The following ACBD6 variants were observed in gnomAD, a reference collection of about 807,000 sequenced individuals.
ACBD6 encodes acyl-CoA binding domain containing 6, also known as acyl-CoA-binding domain-containing protein 6.
A neutral mutation model predicts 37.2 loss-of-function variants in ACBD6; 28 were observed. The ratio of observed to expected loss-of-function variants is 0.75; its 90% CI spans 0.56 to 1.03. The LOEUF (loss-of-function observed/expected upper bound fraction) is 1.03. Ranked by LOEUF, ACBD6 falls within the 50% of genes least tolerant of loss-of-function variation. The pLI is 0.00. For synonymous variants in ACBD6, 113 were observed against 126.8 expected (o/e 0.89, Z 0.73); for missense variants, 340 against 337.4 (o/e 1.01, Z -0.06).
At chr1:180,500,723 G>A (rs1651936956) in intron 1 of ACBD6, among the ~76,000 whole-genome samples, 2 of 150,150 alleles carry the variant, frequency 1.3e-5, no homozygotes, top group Admixed American at 6.6e-5. Context: ...GTGTCAGCCA[G>A]GTGCAGTGGC....
chr1:180,390,073 T>C (rs1460902445), intron 6 of ACBD6, among the ~76,000 whole-genome samples: 1 of 152,102 alleles, frequency 6.6e-6, no homozygotes, highest in Non-Finnish European at 1.5e-5. Flanking sequence ...ATGAAGTTCT[T>C]GCCCATGCCT....
chr1:180,318,382 G>T (rs1220838818), intron 6 of ACBD6, among the ~76,000 whole-genome samples: 1 of 151,854 alleles, frequency 6.6e-6, no homozygotes, highest in Non-Finnish European at 1.5e-5. Flanking sequence ...TTGAACTGAG[G>T]GAGGGGAAGC....
intron 7 of ACBD6, among the ~76,000 whole-genome samples, chr1:180,308,156 A>C (rs550394894): frequency 3.3e-5 from 5 of 152,112 alleles, no homozygotes; most frequent in Admixed American, 6.6e-5. Context: ...TTTAATTTAC[A>C]TAAGTTCTAT....
intron 5 of ACBD6, among the ~76,000 whole-genome samples, chr1:180,401,399 T>G (rs1647352064): frequency 6.6e-6 from 1 of 152,158 alleles, no homozygotes; most frequent in African/African-American, 2.4e-5. Context: ...ATGAAATGCT[T>G]CTCTGATTTC....
At chr1:180,500,587 G>A (rs1437938570) in intron 1 of ACBD6, among the ~76,000 whole-genome samples, 6 of 151,728 alleles carry the variant, frequency 4.0e-5, no homozygotes, top group Non-Finnish European at 7.4e-5. Context: ...CCAGCTACTC[G>A]GGAGGCTGGG....
At chr1:180,405,437 T>G (rs1469677190) in intron 5 of ACBD6, among the ~76,000 whole-genome samples, 2 of 152,122 alleles carry the variant, frequency 1.3e-5, no homozygotes, top group African/African-American at 4.8e-5. Flanking sequence ...GGAAAGAATG[T>G]AACTAAAGAA....
At chr1:180,285,444 G>A (rs1022894492), downstream of ACBD6, among the ~76,000 whole-genome samples, 1 of 152,144 alleles carries the variant, frequency 6.6e-6, no homozygotes, top group African/African-American at 2.4e-5. Flanking sequence ...CTTAGGAACT[G>A]GGATTTGAAA....
intron 3 of ACBD6, among the ~76,000 whole-genome samples, chr1:180,480,380 T>G (rs1380924865): frequency 6.6e-6 from 1 of 152,158 alleles, no homozygotes; most frequent in Non-Finnish European, 1.5e-5. Context: ...TTAGTGACAC[T>G]TGGTAACTAA....
At chr1:180,477,265 C>T (rs1395590017) in intron 3 of ACBD6, among the ~76,000 whole-genome samples, 2 of 151,886 alleles carry the variant, frequency 1.3e-5, no homozygotes, top group Non-Finnish European at 2.9e-5. Flanking sequence ...GACTGAAACC[C>T]CTCAGAAAGC....
At chr1:180,493,728 C>G (rs1481862989) in intron 2 of ACBD6, among the ~76,000 whole-genome samples, 1 of 152,050 alleles carries the variant, frequency 6.6e-6, no homozygotes, top group African/African-American at 2.4e-5. Flanking sequence ...CAATAATGTC[C>G]TTTATGGCTT....
chr1:180,495,815 TAA>T (rs1007741453), intron 1 of ACBD6, among the ~76,000 whole-genome samples: 24 of 152,308 alleles, frequency 1.6e-4, no homozygotes, highest in African/African-American at 2.2e-4. Context: ...AGACTATATA[TAA>T]GACAAGTTAT....
intron 5 of ACBD6, among the ~76,000 whole-genome samples, chr1:180,408,671 TAATAA>T (rs1408803322): frequency 9.9e-5 from 15 of 151,558 alleles, no homozygotes; most frequent in African/African-American, 3.6e-4. Flanking sequence ...AGTATAATAA[TAATAA>T]AATAAAATAA....
At chr1:180,483,323 C>T (rs1651129040) in intron 3 of ACBD6, among the ~76,000 whole-genome samples, 1 of 152,062 alleles carries the variant, frequency 6.6e-6, no homozygotes, top group African/African-American at 2.4e-5. Context: ...TAAGAAGGTA[C>T]CCCTGCCTCC....
chr1:180,390,965 T>G (rs1654053740), intron 6 of ACBD6, among the ~76,000 whole-genome samples: 1 of 152,194 alleles, frequency 6.6e-6, no homozygotes, highest in Admixed American at 6.5e-5. Flanking sequence ...TGTGTGGTAT[T>G]AACATAAGGA....
At chr1:180,460,863 T>A (rs759724394) in intron 3 of ACBD6, among the ~76,000 whole-genome samples, 5 of 152,192 alleles carry the variant, frequency 3.3e-5, no homozygotes, top group Non-Finnish European at 5.9e-5. Context: ...ACAACATCGC[T>A]GCTCCAGCAA....
In ACBD6 at chr1:180,411,219, C is replaced by T. The variant is rs58386646; in HGVS notation, c.573+2147G>A. Among the ~76,000 whole-genome samples the T allele has an allele frequency of 6.7e-3, 1,020 of 152,212 alleles. 17 individuals carry two copies. The highest frequency in any genetic ancestry group is 0.023 in the African/African-American group (972 of 41,528). On this transcript the variant is annotated intron_variant, in intron 5 of 7. Transcript: ENST00000367595. The stretch of plus-strand genomic sequence containing the variant: ...TTTCTTAAGACAGAATCTACTCCGG[C>T]GAAGATGTTGTGAACATTGTTGAAA...
At chr1:180,311,269 C>A (rs1650580178) in intron 7 of ACBD6, among the ~76,000 whole-genome samples, 1 of 152,140 alleles carries the variant, frequency 6.6e-6, no homozygotes, top group African/African-American at 2.4e-5. Flanking sequence ...GAGGAAATGA[C>A]AAAAACATGA....
intron 3 of ACBD6, among the ~76,000 whole-genome samples, chr1:180,489,202 G>A (rs1043403355): frequency 3.9e-5 from 6 of 151,984 alleles, no homozygotes; most frequent in Non-Finnish European, 8.8e-5. Flanking sequence ...TTCAGAATGA[G>A]TGTTGTTCTT....
Position 180,502,536 on chromosome 1 carries a change from T to TCAGGCC in ACBD6, c.-271_-270insGGCCTG. Reference sequence around the variant, plus strand: ...CCTCCGGCCAACAGCGCGCTCAGGCTCGCCTCAGGCCCCTCCAACGGAACA... The same window carrying TCAGGCC: ...CCTCCGGCCAACAGCGCGCTCAGGCTCAGGCCCGCCTCAGGCCCCTCCAACGGAACA... On this transcript the variant is annotated 5_prime_UTR_variant, in exon 1 of 8. Transcript: ENST00000367595. The TCAGGCC allele has an allele frequency of 2.0e-6, 1 of 506,162 alleles. No individual in the cohort carries two copies. Among genetic ancestry groups the TCAGGCC allele is most frequent in the Non-Finnish European group, 3.6e-6 (1 of 277,116 alleles). The allele number at this position is 506,162 out of a possible 1,614,324, so 31.4% of individuals were successfully genotyped here.
Sources: allele counts gnomAD v4.1 joint callset (sites outside exome capture counted in the v4.1 genomes callset), GRCh38; gene constraint gnomAD v4.1.1; transcripts MANE v1.5; gene names NCBI Gene and HGNC (gene_info 2026-07-23, HGNC 2026-07-21).